The following UBAP2 variants were observed in gnomAD, a reference collection of about 807,000 sequenced individuals.
UBAP2 encodes the protein ubiquitin associated protein 2, also known as ubiquitin-associated protein 2.
Under a neutral mutation model 139.6 loss-of-function variants are expected in UBAP2, and 75 were observed. The ratio of observed to expected loss-of-function variants is 0.54; its 90% CI spans 0.45 to 0.65. The LOEUF (loss-of-function observed/expected upper bound fraction) is 0.65. Ranked by LOEUF, UBAP2 falls within the 30% of genes least tolerant of loss-of-function variation. UBAP2 has a pLI of 0.00. For missense variants in UBAP2, 1,368 were observed against 1,369.6 expected (o/e 1.00, Z 0.02); for synonymous variants, 526 against 526.2 (o/e 1.00, Z 0.01).
chr9:34,048,284 T>C (rs993482500), intron 1 of UBAP2, among the ~76,000 whole-genome samples: 1 of 152,218 alleles, frequency 6.6e-6, no homozygotes, highest in African/African-American at 2.4e-5. Flanking sequence ...GGAGGAAAAC[T>C]GAGTCCCAAT....
At chr9:33,983,676 G>A (rs1469756759) in intron 6 of UBAP2, among the ~76,000 whole-genome samples, 2 of 152,088 alleles carry the variant, frequency 1.3e-5, no homozygotes, top group African/African-American at 4.8e-5. Flanking sequence ...TTCCCAAGGT[G>A]TGTACTTCAG....
chr9:33,951,011 G>A (rs575892611), intron 12 of UBAP2, among the ~76,000 whole-genome samples: 23 of 152,310 alleles, frequency 1.5e-4, no homozygotes, highest in Middle Eastern at 3.4e-3. Context: ...TTCTGTTGCT[G>A]CTGTTATTTA....
intron 2 of UBAP2, among the ~76,000 whole-genome samples, chr9:34,003,398 G>A (rs577063989): frequency 8.5e-4 from 118 of 138,390 alleles, no homozygotes; most frequent in Admixed American, 1.6e-3. Flanking sequence ...TTTTGAGACA[G>A]TCATGCTCTG....
chr9:33,958,027 C>T (rs766274245), intron 10 of UBAP2, among the ~76,000 whole-genome samples: 5 of 152,206 alleles, frequency 3.3e-5, no homozygotes, highest in Middle Eastern at 6.8e-3. Flanking sequence ...ATCACTGAGG[C>T]TCACTGCAGC....
At chr9:33,991,681 G>C (rs1426325050) in intron 4 of UBAP2, among the ~76,000 whole-genome samples, 1 of 152,138 alleles carries the variant, frequency 6.6e-6, no homozygotes, top group African/African-American at 2.4e-5. Flanking sequence ...ATCTATGCCA[G>C]AGAAAATAAT....
rs1176973837 is a variant in UBAP2 at position 33,927,912 on chromosome 9, T to C, written c.2256A>G (p.Ala752=). ...TACTGGACAGGCTGGCGCCTGAGGA[T>C]GCGGAACTTGAGACGGAGGTCGCTG... is the stretch of plus-strand genomic sequence containing the variant. ...STAATSVSSS[A]SSGASLSSSM... is the part of the protein sequence containing the mutation. Residue 752 remains alanine (A), a synonymous_variant, in exon 20 of 29, where the codon GCA becomes GCG. Coordinates refer to ENST00000379238, the MANE Select transcript of UBAP2 (RefSeq NM_001370062.2). The C allele has an allele frequency of 7.4e-6, 12 of 1,614,014 alleles. No individual in the cohort carries two copies. Among genetic ancestry groups the C allele is most frequent in the Non-Finnish European group, 1.0e-5 (12 of 1,180,018 alleles).
chr9:33,927,948 G>A lies in UBAP2; in HGVS notation c.2220C>T (p.Thr740=). The change falls in exon 20 of 29, where the codon ACC becomes ACT. Residue 740 remains threonine (T), a synonymous_variant. Transcript: ENST00000379238. ...AGACGGAGGTCGCTGCCGTGGAGAAGGTGGCTGAGGACTGGTGGGAAGAGG... is the reference window on the plus strand; with the variant it reads ...AGACGGAGGTCGCTGCCGTGGAGAAAGTGGCTGAGGACTGGTGGGAAGAGG... ...ESASSHQSSA[T]FSTAATSVSS... 1.9e-6 allele frequency: 3 copies of A among 1,614,126 alleles called. No homozygotes were observed. Among genetic ancestry groups the A allele is most frequent in the Non-Finnish European group, 2.5e-6 (3 of 1,179,992 alleles).
At chr9:33,970,540 C>T (rs1827838918) in intron 8 of UBAP2, among the ~76,000 whole-genome samples, 1 of 151,516 alleles carries the variant, frequency 6.6e-6, no homozygotes, top group Admixed American at 6.6e-5. Flanking sequence ...AGTGACACTC[C>T]CCACTTCAGC....
At chr9:33,924,159 G>A (rs367703046) in intron 23 of UBAP2, 47 bp downstream of exon 23, 17 of 1,607,204 alleles carry the variant, frequency 1.1e-5, no homozygotes, top group South Asian at 3.3e-5. Context: ...CCTGGAGTTC[G>A]CGCTAGGCCG....
chr9:34,048,771 C>G (rs1365764112), intron 1 of UBAP2, 54 bp downstream of exon 1: 1 of 152,200 alleles, frequency 6.6e-6, no homozygotes, highest in Non-Finnish European at 1.5e-5. Context: ...AAAGCACACG[C>G]TGCAGCGCTC....
intron 6 of UBAP2, among the ~76,000 whole-genome samples, chr9:33,974,524 C>T (rs551794798): frequency 9.2e-5 from 14 of 152,106 alleles, no homozygotes; most frequent in African/African-American, 3.1e-4. Context: ...AACAAAAAAA[C>T]ACCACGGTAC....
chr9:33,924,127 T>C, intron 23 of UBAP2, 79 bp downstream of exon 23: 1 of 1,589,690 alleles, frequency 6.3e-7, no homozygotes, highest in Non-Finnish European at 8.6e-7. Context: ...CTCTCTCAGC[T>C]TGCTGTTGCT....
intron 19 of UBAP2, 100 bp downstream of exon 19, chr9:33,932,460 ATT>A: frequency 7.2e-7 from 1 of 1,379,702 alleles, no homozygotes; most frequent in South Asian, 1.3e-5. Flanking sequence ...GCAACTCTAG[ATT>A]ATCAGACACT....
chr9:34,027,498 G>A (rs1374342324), intron 1 of UBAP2, among the ~76,000 whole-genome samples: 4 of 151,702 alleles, frequency 2.6e-5, no homozygotes, highest in East Asian at 3.9e-4. Flanking sequence ...GGGGAGGATC[G>A]CCTGAGCCCA....
intron 7 of UBAP2, 111 bp downstream of exon 7, chr9:33,973,072 A>G: frequency 5.3e-6 from 5 of 940,254 alleles, no homozygotes; most frequent in Non-Finnish European, 8.4e-6. Context: ...TTAAGTATAG[A>G]AAACACTAGA....
rs115677827 is a variant in UBAP2, at chr9:34,011,478, T to C, written c.99+5572A>G. The C allele has an allele frequency of 1.4e-3, 403 of 283,936 alleles. 2 individuals are homozygous for C. Among genetic ancestry groups the C allele is most frequent in the African/African-American group, 8.6e-3 (377 of 43,906 alleles). The allele number at this position is 283,936 out of a possible 1,614,324, so 17.6% of individuals were successfully genotyped here. On this transcript the variant is annotated intron_variant, in intron 2 of 28. Coordinates refer to ENST00000379238, the MANE Select transcript of UBAP2 (RefSeq NM_001370062.2). Reference sequence around the variant, plus strand: ...AGTAACACTAGTGCTAGCATATTTATGAAAATAAATTTTAATGAGAACTTT... The same window carrying C: ...AGTAACACTAGTGCTAGCATATTTACGAAAATAAATTTTAATGAGAACTTT...
intron 19 of UBAP2, 183 bp from the exon 20 acceptor site, chr9:33,928,175 A>C (rs1823642530): frequency 1.8e-6 from 1 of 570,996 alleles, no homozygotes; most frequent in South Asian, 2.6e-5. Flanking sequence ...CTCACATAGC[A>C]GCTGGTTCCA....
intron 13 of UBAP2, among the ~76,000 whole-genome samples, chr9:33,947,868 C>T (rs955416713): frequency 2.4e-4 from 36 of 150,634 alleles, no homozygotes; most frequent in African/African-American, 8.3e-4. Context: ...ATTGTCTAGG[C>T]TGGATACAGT....
At chr9:34,014,529 T>C (rs1033708804) in intron 2 of UBAP2, among the ~76,000 whole-genome samples, 3 of 151,872 alleles carry the variant, frequency 2.0e-5, no homozygotes, top group African/African-American at 7.3e-5. Context: ...CTTGAGAGGC[T>C]GAGGCAGGAG....
Sources: gnomAD v4.1 joint callset for allele counts (sites outside exome capture counted in the v4.1 genomes callset) on GRCh38, gnomAD v4.1.1 for gene constraint, MANE v1.5 for transcripts, NCBI Gene and HGNC (gene_info 2026-07-23, HGNC 2026-07-21) for gene names.